Variants in PACSIN2 observed in about 807,000 individuals in gnomAD.
PACSIN2 encodes protein kinase C and casein kinase substrate in neurons 2.
In PACSIN2, 25 loss-of-function variants were observed where a neutral mutation model predicts 63.8. The observed-to-expected ratio is 0.39, with a 90% CI of 0.29 to 0.55. The LOEUF (loss-of-function observed/expected upper bound fraction) is 0.55, where lower values mean the gene tolerates loss of function less well. Among genes scored for constraint, PACSIN2 ranks in the 20% least tolerant of loss-of-function variants. PACSIN2 has a pLI of 0.62. For synonymous variants in PACSIN2, 255 were observed against 256.2 expected, an observed-to-expected ratio of 1.00 and a Z score of 0.05; for missense variants, 518 against 646.9, an observed-to-expected ratio of 0.80 and a Z score of 2.16.
At position 42,882,164 on chromosome 22, in the gene PACSIN2, T is replaced by C. The variant is rs777542829; in HGVS notation, c.906+20A>G. The C allele has an allele frequency of 5.6e-6, 9 of 1,613,774 alleles. No individual in the cohort carries two copies. The Admixed American group carries it at 6.7e-5, about 12-fold the overall frequency. ...GTCCTCTTCCAGGCTGATGAGCTCA[T>C]GGGCACACCCTCCTCTTACCTCAAA... On this transcript the variant is annotated intron_variant, in intron 7 of 10. Transcript: ENST00000263246.
intron 2 of PACSIN2, chr22:42,909,322 G>A (rs1011760847): frequency 1.5e-5 from 5 of 343,942 alleles, no homozygotes; most frequent in African/African-American, 1.1e-4. Flanking sequence ...AGTATCTTTT[G>A]GTGGGAAGGA....
chr22:42,906,697 G>A (rs1464653948), intron 2 of PACSIN2, among the ~76,000 whole-genome samples: 1 of 152,204 alleles, frequency 6.6e-6, no homozygotes, highest in Non-Finnish European at 1.5e-5. Flanking sequence ...GTGCTCTGAA[G>A]AGCAGGCTGC....
intron 1 of PACSIN2, among the ~76,000 whole-genome samples, chr22:42,975,197 T>C (rs1421259417): frequency 3.3e-5 from 5 of 152,218 alleles, no homozygotes; most frequent in Non-Finnish European, 7.3e-5. Context: ...GTTATTAGCA[T>C]GGAGGACGCT....
chr22:43,008,908 T>C (rs969075062), intron 1 of PACSIN2, among the ~76,000 whole-genome samples: 4 of 152,244 alleles, frequency 2.6e-5, no homozygotes, highest in African/African-American at 9.6e-5. Context: ...TCAATAAGCA[T>C]TAAATAAGTC....
rs750255821 is a variant in PACSIN2 at position 42,876,953 on chromosome 22, G to T, written c.1086C>A (p.Asn362Lys). ...AQSAQSQSSY[N>K]PFEDEDDTGS... is the part of the protein sequence containing the mutation. Reference sequence around the variant, plus strand: ...CCGTGTCGTCCTCATCCTCGAAGGGGTTGTAGCTGGACTGTGACTGCGCAG... The same window carrying T: ...CCGTGTCGTCCTCATCCTCGAAGGGTTTGTAGCTGGACTGTGACTGCGCAG... Residue 362 changes from asparagine to lysine, a missense_variant, in exon 9 of 11, where the codon AAC (asparagine) becomes AAA (lysine). Transcript: ENST00000263246. The T allele has an allele frequency of 6.2e-7, 1 of 1,614,170 alleles. No homozygotes were observed. The highest frequency in any genetic ancestry group is 8.5e-7 in the Non-Finnish European group (1 of 1,180,002).
chr22:42,975,162 C>T (rs992958556), intron 1 of PACSIN2, among the ~76,000 whole-genome samples: 1 of 152,204 alleles, frequency 6.6e-6, no homozygotes, highest in African/African-American at 2.4e-5. Flanking sequence ...CCTACTGACT[C>T]CCTTAAATCC....
chr22:42,870,364 C>G lies in PACSIN2; in HGVS notation c.*993G>C, dbSNP rs769034855. On this transcript the variant is annotated 3_prime_UTR_variant, in exon 11 of 11. Coordinates refer to ENST00000263246, the MANE Select transcript of PACSIN2 (RefSeq NM_001184970.3). ...CCCAGCCGGCCAGCCAGACGTGTGCCTGAATGCCACAGACTTCAAGCAGTT... is the reference window on the plus strand; with the variant it reads ...CCCAGCCGGCCAGCCAGACGTGTGCGTGAATGCCACAGACTTCAAGCAGTT... 2 of 152,152 alleles carry G rather than the reference C, an allele frequency of 1.3e-5. No homozygotes were observed. The highest frequency in any genetic ancestry group is 4.8e-5 in the African/African-American group (2 of 41,432). 9.4% of individuals were successfully genotyped at this position (152,152 alleles called of 1,614,324 possible).
At chr22:42,981,441 GC>G (rs1922115869) in intron 1 of PACSIN2, among the ~76,000 whole-genome samples, 1 of 85,710 alleles carries the variant, frequency 1.2e-5, no homozygotes, top group African/African-American at 5.1e-5. Flanking sequence ...GAAGTGAGGA[GC>G]CCCTCTGCCC....
chr22:43,014,047 T>C (rs1301985152), intron 1 of PACSIN2, among the ~76,000 whole-genome samples: 1 of 151,862 alleles, frequency 6.6e-6, no homozygotes, highest in African/African-American at 2.4e-5. Flanking sequence ...ACCAACCAAC[T>C]CCTTCTGAAA....
At chr22:42,910,437 G>A (rs112659263) in intron 2 of PACSIN2, among the ~76,000 whole-genome samples, 1 of 152,200 alleles carries the variant, frequency 6.6e-6, no homozygotes, top group African/African-American at 2.4e-5. Flanking sequence ...CTGCACTAAT[G>A]AGGCCACAGC....
intron 5 of PACSIN2, 29 bp from the exon 6 acceptor site, chr22:42,884,590 G>A: frequency 6.3e-7 from 1 of 1,598,230 alleles, no homozygotes; most frequent in East Asian, 2.2e-5. Context: ...ACAAGACAGA[G>A]GTTCATTTCC....
chr22:43,010,068 C>T (rs1225111058), intron 1 of PACSIN2, among the ~76,000 whole-genome samples: 11 of 151,726 alleles, frequency 7.2e-5, no homozygotes, highest in Admixed American at 7.2e-4. Flanking sequence ...TGGGGTTTCA[C>T]CATGTTGGCC....
chr22:42,919,764 A>C, intron 1 of PACSIN2, among the ~76,000 whole-genome samples: 1 of 115,004 alleles, frequency 8.7e-6, no homozygotes, highest in African/African-American at 3.6e-5. Flanking sequence ...CAGAGCAAGA[A>C]CCTGTCTCAA....
chr22:42,878,064 C>T (rs1224726420), intron 8 of PACSIN2, among the ~76,000 whole-genome samples: 1 of 152,244 alleles, frequency 6.6e-6, no homozygotes, highest in Non-Finnish European at 1.5e-5. Context: ...AGCTCACCGG[C>T]CCTCCTCCCT....
At chr22:42,876,108 T>G in intron 10 of PACSIN2, 29 bp downstream of exon 10, 1 of 1,587,898 alleles carries the variant, frequency 6.3e-7, no homozygotes, top group Non-Finnish European at 8.6e-7. Context: ...GAAGCCCTCC[T>G]CCCCTGGATG....
At chr22:42,919,271 T>A (rs551494848) in intron 1 of PACSIN2, among the ~76,000 whole-genome samples, 1 of 152,326 alleles carries the variant, frequency 6.6e-6, no homozygotes, top group East Asian at 1.9e-4. Context: ...ACTGTCCTTG[T>A]CTGTAAGGCA....
At chr22:42,992,786 A>G (rs773633539) in intron 1 of PACSIN2, among the ~76,000 whole-genome samples, 1 of 152,250 alleles carries the variant, frequency 6.6e-6, no homozygotes, top group Non-Finnish European at 1.5e-5. Context: ...TAAAAAATGA[A>G]ACTAACTGAT....
chr22:42,959,813 T>A (rs1934065153), intron 1 of PACSIN2: 1 of 152,262 alleles, frequency 6.6e-6, no homozygotes, highest in South Asian at 2.1e-4. Flanking sequence ...TTCTGTCAGA[T>A]GCCGGCTAAC....
chr22:42,879,285 G>A, intron 7 of PACSIN2, 116 bp from the exon 8 acceptor site: 1 of 1,108,828 alleles, frequency 9.0e-7, no homozygotes, highest in Non-Finnish European at 1.3e-6. Context: ...CTGATGTGTA[G>A]ACTCAGGGCC....
Sources: gnomAD v4.1 joint callset for allele counts (sites outside exome capture counted in the v4.1 genomes callset) on GRCh38, gnomAD v4.1.1 for gene constraint, MANE v1.5 for transcripts, NCBI Gene and HGNC (gene_info 2026-07-23, HGNC 2026-07-21) for gene names.